R3HDML: variants seen among roughly 807,000 people sequenced by gnomAD.
R3HDML encodes the protein peptidase inhibitor R3HDML.
A neutral mutation model predicts 24.2 loss-of-function variants in R3HDML; 21 were observed. The observed-to-expected ratio is 0.87, with a 90% confidence interval of 0.62 to 1.25. The LOEUF (loss-of-function observed/expected upper bound fraction) is 1.25, where lower values mean the gene tolerates loss of function less well. R3HDML is among the 50% of genes most tolerant of loss of function. The probability of loss-of-function intolerance (pLI) is 0.00; values close to 1 mark genes in which losing one functional copy is unlikely to be tolerated. For synonymous variants in R3HDML, 133 were observed against 131.5 expected (o/e 1.01, Z -0.08); for missense variants, 301 against 340.3 (o/e 0.88, Z 0.91).
intron 4 of R3HDML, chr20:44,347,634 G>GAA (rs2062791677): frequency 6.6e-6 from 1 of 152,084 alleles, no homozygotes; most frequent in Non-Finnish European, 1.5e-5. Flanking sequence ...AAGGAAAAAG[G>GAA]GGGGAACCCT....
chr20:44,337,422 A>G lies in R3HDML; in HGVS notation c.261+4A>G. ...TGCCGCCAACATGGAATACATGGTG[A>G]GTCCCCGTACCTGCCCCCCACCCCC... On this transcript the variant is annotated splice_donor_region_variant and intron_variant, in intron 1 of 4. Transcript: ENST00000217043. This position sits in a 1 kb window ranked among gnomAD's most constrained non-coding sequence, Gnocchi z 4.7. 6.2e-7 allele frequency: 1 copy of G among 1,611,772 alleles called. No individual in the cohort carries two copies. Among genetic ancestry groups the G allele is most frequent in the South Asian group, 1.1e-5 (1 of 91,008 alleles).
intron 1 of R3HDML, among the ~76,000 whole-genome samples, chr20:44,340,926 C>T (rs1450826796): frequency 6.6e-6 from 1 of 152,222 alleles, no homozygotes; most frequent in South Asian, 2.1e-4. Flanking sequence ...GCTGAGAACT[C>T]CTGTACGAAC....
At chr20:44,340,237 G>C (rs2062768657) in intron 1 of R3HDML, among the ~76,000 whole-genome samples, 1 of 151,396 alleles carries the variant, frequency 6.6e-6, no homozygotes, top group African/African-American at 2.4e-5. Flanking sequence ...TTACAGATGT[G>C]AGCCACCATG....
At chr20:44,350,179 TAG>T (rs1419874058) in intron 4 of R3HDML, among the ~76,000 whole-genome samples, 1 of 152,034 alleles carries the variant, frequency 6.6e-6, no homozygotes, top group Non-Finnish European at 1.5e-5. Context: ...CTGAATTCCT[TAG>T]AGAGAGAGGA....
In R3HDML at chr20:44,341,152, G is replaced by A. The variant is rs138431713; in HGVS notation, c.262-44G>A. On this transcript the variant is annotated intron_variant, in intron 1 of 4. Coordinates refer to ENST00000217043, the MANE Select transcript of R3HDML (RefSeq NM_178491.4). Reference sequence around the variant, plus strand: ...CATCTCTGGACACAGTTGTGACGATGGTGGCAATTCCCCTGGGGAATTTCA... The same window carrying A: ...CATCTCTGGACACAGTTGTGACGATAGTGGCAATTCCCCTGGGGAATTTCA... 490 of 1,495,776 alleles carry A rather than the reference G, an allele frequency of 3.3e-4. 4 individuals are homozygous for A. The African/African-American group carries it at 5.8e-3, about 18-fold the overall frequency. The allele number at this position is 1,495,776 out of a possible 1,614,324, so 92.7% of individuals were successfully genotyped here. A position where few individuals can be genotyped will look rare whatever the true frequency, so the allele number is the denominator to read the frequency against.
chr20:44,344,923 C>G (rs1205288684), intron 3 of R3HDML: 3 of 256,200 alleles, frequency 1.2e-5, no homozygotes, highest in Non-Finnish European at 2.2e-5. Flanking sequence ...CTGCACTTGA[C>G]TGAGTGCAGT....
intron 2 of R3HDML, 128 bp from the exon 3 acceptor site, chr20:44,343,249 G>T: frequency 8.4e-7 from 1 of 1,186,524 alleles, no homozygotes; most frequent in Non-Finnish European, 1.2e-6. Flanking sequence ...CTGCCCTCAT[G>T]CTCACAGATA....
At chr20:44,344,095 C>G (rs1392351399) in intron 3 of R3HDML, among the ~76,000 whole-genome samples, 1 of 152,128 alleles carries the variant, frequency 6.6e-6, no homozygotes, top group Non-Finnish European at 1.5e-5. Context: ...TCCTGGCTAA[C>G]ACGGTGAGAC....
intron 4 of R3HDML, among the ~76,000 whole-genome samples, chr20:44,345,707 C>T (rs1176394723): frequency 5.3e-5 from 8 of 151,296 alleles, no homozygotes; most frequent in Admixed American, 1.3e-4. Context: ...AGGGGTGAGG[C>T]GGGAGGGTCA....
At chr20:44,338,480 G>T (rs1385303791) in intron 1 of R3HDML, among the ~76,000 whole-genome samples, 52 of 152,156 alleles carry the variant, frequency 3.4e-4, no homozygotes, top group Admixed American at 3.3e-3. Context: ...ATAAGAGCCG[G>T]GATGGCAGGC....
At chr20:44,344,992 T>A in intron 3 of R3HDML, 1 of 468,612 alleles carries the variant, frequency 2.1e-6, no homozygotes, top group Non-Finnish European at 3.8e-6. Flanking sequence ...TAGTGATTTG[T>A]AAAACTCTTG....
At chr20:44,344,590 T>C (rs2062781046) in intron 3 of R3HDML, among the ~76,000 whole-genome samples, 1 of 152,094 alleles carries the variant, frequency 6.6e-6, no homozygotes, top group South Asian at 2.1e-4. Context: ...AAGACCAGCC[T>C]GGCCAACATG....
chr20:44,345,829 C>CTTTCT (rs1428987914), intron 4 of R3HDML, among the ~76,000 whole-genome samples: 3 of 147,772 alleles, frequency 2.0e-5, no homozygotes, highest in Non-Finnish European at 3.0e-5. Flanking sequence ...TTCTTTCTTT[C>CTTTCT]TTTTTTTTGA....
At chr20:44,344,006 T>C (rs117601950) in intron 3 of R3HDML, among the ~76,000 whole-genome samples, 15,345 of 152,012 alleles carry the variant, frequency 0.1, 964 homozygotes, top group Middle Eastern at 0.16. Flanking sequence ...GGTGTGGCCA[T>C]GCAAGGTGGC....
chr20:44,345,614 G>A (rs1256255417), intron 4 of R3HDML, among the ~76,000 whole-genome samples: 7 of 151,716 alleles, frequency 4.6e-5, no homozygotes, highest in Non-Finnish European at 1.0e-4. Flanking sequence ...GATCAGCCTG[G>A]GGAACAAAGC....
intron 4 of R3HDML, among the ~76,000 whole-genome samples, chr20:44,349,678 A>T (rs1347199800): frequency 6.6e-6 from 1 of 152,228 alleles, no homozygotes; most frequent in Non-Finnish European, 1.5e-5. Flanking sequence ...AAAACAAGGC[A>T]CTGGGGCTTG....
chr20:44,343,567 A>G, intron 3 of R3HDML, 58 bp downstream of exon 3: 1 of 1,491,702 alleles, frequency 6.7e-7, no homozygotes, highest in South Asian at 1.3e-5. Context: ...GCCTTAGAAG[A>G]AAAGGAATGT....
intron 2 of R3HDML, 63 bp downstream of exon 2, chr20:44,341,377 C>T: frequency 7.5e-7 from 1 of 1,329,534 alleles, no homozygotes. Flanking sequence ...AACACTTACT[C>T]TGTACCAGGT....
chr20:44,341,164 C>T, intron 1 of R3HDML, 32 bp from the exon 2 acceptor site: 1 of 1,567,864 alleles, frequency 6.4e-7, no homozygotes, highest in Non-Finnish European at 8.7e-7. Flanking sequence ...TGGCAATTCC[C>T]CTGGGGAATT....
Sources: allele counts gnomAD v4.1 joint callset (sites outside exome capture counted in the v4.1 genomes callset), GRCh38; gene constraint gnomAD v4.1.1; non-coding constraint Gnocchi (gnomAD v3.1); transcripts MANE v1.5; gene names NCBI Gene and HGNC (gene_info 2026-07-23, HGNC 2026-07-21).